Variants in ADGRG6 observed in about 807,000 individuals in gnomAD.
The protein encoded by ADGRG6 is G-protein coupled receptor 126.
ADGRG6 carries 84 observed loss-of-function variants against 142.4 expected under a neutral mutation model. The ratio of observed to expected loss-of-function variants is 0.59; its 90% CI spans 0.49 to 0.71. The LOEUF (loss-of-function observed/expected upper bound fraction) is 0.71, where lower values mean the gene tolerates loss of function less well. Ranked by LOEUF, ADGRG6 falls within the 30% of genes least tolerant of loss-of-function variation. The pLI is 0.00. For missense variants in ADGRG6, 1,367 were observed against 1,466.6 expected (o/e 0.93, Z 1.11); for synonymous variants, 521 against 520.5 (o/e 1.00, Z -0.01).
At chr6:142,338,013 C>CTTTGTTTTTTTTT (rs1779408285) in intron 2 of ADGRG6, among the ~76,000 whole-genome samples, 7 of 26,044 alleles carry the variant, frequency 2.7e-4, no homozygotes, top group African/African-American at 3.6e-4. Flanking sequence ...TGCCTTGTAT[C>CTTTGTTTTTTTTT]TTTGTTTTTT....
intron 18 of ADGRG6, among the ~76,000 whole-genome samples, chr6:142,414,608 C>CT (rs1202794526): frequency 4.6e-5 from 7 of 152,142 alleles, no homozygotes; most frequent in African/African-American, 1.4e-4. Context: ...GCCCCAAGCC[C>CT]TGCAACTGTT....
At chr6:142,441,584 C>T (rs1382132206) in intron 24 of ADGRG6, among the ~76,000 whole-genome samples, 2 of 152,146 alleles carry the variant, frequency 1.3e-5, no homozygotes, top group African/African-American at 4.8e-5. Flanking sequence ...AATTGGATCA[C>T]ATTGTTGAAA....
At chr6:142,370,053 C>A in intron 3 of ADGRG6, 117 bp from the exon 4 acceptor site, 1 of 729,548 alleles carries the variant, frequency 1.4e-6, no homozygotes, top group Non-Finnish European at 2.2e-6. Flanking sequence ...AGGGATGGGG[C>A]AAATGGTAGG....
At position 142,382,023 on chromosome 6, in the gene ADGRG6, G is replaced by A; in HGVS notation, c.1138+4G>A. The A allele has an allele frequency of 6.3e-7, 1 of 1,574,870 alleles. No individual in the cohort carries two copies. Among genetic ancestry groups the A allele is most frequent in the Non-Finnish European group, 8.7e-7 (1 of 1,149,336 alleles). ...GACCTGGGGACCCTCTGTCAAGGTAGGGAGCCCACACCGTGCTCTGGAATC... is the reference window on the plus strand; with the variant it reads ...GACCTGGGGACCCTCTGTCAAGGTAAGGAGCCCACACCGTGCTCTGGAATC... On this transcript the variant is annotated splice_donor_region_variant and intron_variant, in intron 5 of 24. Coordinates refer to ENST00000367609, the MANE Select transcript of ADGRG6 (RefSeq NM_198569.3).
At chr6:142,359,789 T>C (rs1780629400) in intron 2 of ADGRG6, among the ~76,000 whole-genome samples, 1 of 152,164 alleles carries the variant, frequency 6.6e-6, no homozygotes, top group South Asian at 2.1e-4. Flanking sequence ...TGTGGGGAGA[T>C]GAGAAGAGAC....
At position 142,408,178 on chromosome 6, in the gene ADGRG6, T is replaced by G. The variant is rs746820401; in HGVS notation, c.2297T>G (p.Val766Gly). Residue 766 changes from valine (V) to glycine (G), a missense_variant, in exon 16 of 25, where the codon GTG (valine) becomes GGG (glycine). Physicochemically the swap from Val to Gly is moderately radical, Grantham distance 109. This residue lies in a region of ADGRG6 where 286 missense variants were observed against 371.4 expected (regional missense o/e 0.77). Transcript: ENST00000367609. ...GTAGGACCCCAAAGAAAAACTTTAG[T>G]GAGTTATGTGATGGCGTGCAGTATT... ...QDVGPQRKTL[V>G]SYVMACSIGN... The G allele has an allele frequency of 1.1e-5, 18 of 1,588,404 alleles. No homozygotes were observed. Among genetic ancestry groups the G allele is most frequent in the South Asian group, 4.6e-5 (4 of 86,982 alleles).
At chr6:142,403,654 G>A (rs1031368058) in intron 13 of ADGRG6, 148 bp from the exon 14 acceptor site, 114 of 552,956 alleles carry the variant, frequency 2.1e-4, no homozygotes, top group Admixed American at 3.8e-5. Context: ...ACTGTGGATT[G>A]GGGTAATTTT....
In ADGRG6 at chr6:142,409,903, G is replaced by A; in HGVS notation, c.2418G>A (p.Trp806Ter). ...TGCATCATCCCATCTGTGCCTTCTG[G>A]GATCTGAACAAAAACAGTAAGTTTT... ...QEVHHPICAF[W>*]DLNKNKSFGG... The change falls in exon 17 of 25, where the codon TGG (tryptophan) becomes TGA (stop). Residue 806 changes from tryptophan (W) to a stop codon, truncating the protein, a stop_gained. Transcript: ENST00000367609. LOFTEE classifies it high-confidence loss of function. 6.8e-7 allele frequency: 1 copy of A among 1,480,210 alleles called. No individual in the cohort carries two copies. Among genetic ancestry groups the A allele is most frequent in the Non-Finnish European group, 9.3e-7 (1 of 1,073,268 alleles). 91.7% of individuals were successfully genotyped at this position (1,480,210 alleles called of 1,614,324 possible). A position where few individuals can be genotyped will look rare whatever the true frequency, so the allele number is the denominator to read the frequency against.
chr6:142,397,070 T>C (rs946634704), intron 9 of ADGRG6, among the ~76,000 whole-genome samples: 2 of 152,138 alleles, frequency 1.3e-5, no homozygotes, highest in Non-Finnish European at 1.5e-5. Context: ...TAAAAAGTAT[T>C]TGCAAATGCC....
chr6:142,365,748 A>G (rs933925206), intron 2 of ADGRG6, among the ~76,000 whole-genome samples: 1 of 152,214 alleles, frequency 6.6e-6, no homozygotes, highest in Non-Finnish European at 1.5e-5. Context: ...TGGCAAAGTG[A>G]AACATTGAGT....
At chr6:142,374,865 T>C (rs971798519) in intron 4 of ADGRG6, among the ~76,000 whole-genome samples, 5 of 152,258 alleles carry the variant, frequency 3.3e-5, no homozygotes, top group Admixed American at 1.3e-4. Flanking sequence ...ATGGCTAATA[T>C]GAGCTAATTA....
rs140382207 is a variant in ADGRG6 at position 142,441,299 on chromosome 6, T to C, written c.3575-2038T>C. 2.1e-3 allele frequency among the ~76,000 whole-genome samples: 316 copies of C among 152,304 alleles called. 1 individual carries two copies. The highest frequency in any genetic ancestry group is 4.0e-3 in the Non-Finnish European group (271 of 68,014). On this transcript the variant is annotated intron_variant, in intron 24 of 24. Transcript: ENST00000367609. ...AAATGCTTTATTTTTCCACTGCTCA[T>C]GTGGATTTCTGGGTATGTCATGGTA... is the stretch of plus-strand genomic sequence containing the variant.
intron 2 of ADGRG6, among the ~76,000 whole-genome samples, chr6:142,315,123 C>T (rs982909619): frequency 5.3e-5 from 8 of 152,002 alleles, no homozygotes; most frequent in Non-Finnish European, 7.4e-5. Context: ...AGAGGTTGGG[C>T]GGGTAACTTT....
chr6:142,445,508 A>T lies in ADGRG6; in HGVS notation c.*1993A>T, dbSNP rs1012835373. 2 of 152,190 alleles carry T rather than the reference A, an allele frequency of 1.3e-5. No homozygotes were observed. The highest frequency in any genetic ancestry group is 2.4e-5 in the African/African-American group (1 of 41,458). The allele number at this position is 152,190 out of a possible 1,614,324, so 9.4% of individuals were successfully genotyped here. On this transcript the variant is annotated 3_prime_UTR_variant, in exon 25 of 25. Transcript: ENST00000367609. ...AAGTGCTTAGTCAATAGTAATTAAG[A>T]TATAGCTTCAAAAATGGCTTTGCTT...
At chr6:142,415,670 C>T (rs889208516) in intron 19 of ADGRG6, 126 bp from the exon 20 acceptor site, 5 of 638,746 alleles carry the variant, frequency 7.8e-6, no homozygotes, top group Non-Finnish European at 1.1e-5. Context: ...AGCAGAACCA[C>T]ATCAGAAAGG....
chr6:142,321,144 G>A (rs963634493), intron 2 of ADGRG6, among the ~76,000 whole-genome samples: 2 of 151,856 alleles, frequency 1.3e-5, no homozygotes, highest in African/African-American at 4.8e-5. Flanking sequence ...ATTGAGAGAA[G>A]CAGGGCATAA....
rs1775999444 is a variant in ADGRG6, at chr6:142,409,973, A to G, written c.2434+54A>G. 3 of 735,940 alleles carry G rather than the reference A, an allele frequency of 4.1e-6. No individual in the cohort carries two copies. In the East Asian group the frequency reaches 8.7e-5, roughly 21 times the overall value. The allele number at this position is 735,940 out of a possible 1,614,324, so 45.6% of individuals were successfully genotyped here. A position where few individuals can be genotyped will look rare whatever the true frequency, so the allele number is the denominator to read the frequency against. On this transcript the variant is annotated intron_variant, in intron 17 of 24. Transcript: ENST00000367609. ...TATAGATAACAACTGAATTTTAAAC[A>G]TTGTTAGACACCCCCATTTCCTTTA...
chr6:142,417,483 A>C, intron 21 of ADGRG6, 114 bp downstream of exon 21: 1 of 623,824 alleles, frequency 1.6e-6, no homozygotes, highest in Non-Finnish European at 2.9e-6. Context: ...GTTTATTCAC[A>C]TGACTGCCAA....
At chr6:142,402,906 C>A in intron 13 of ADGRG6, 76 bp downstream of exon 13, 1 of 754,110 alleles carries the variant, frequency 1.3e-6, no homozygotes, top group Admixed American at 3.0e-5. Flanking sequence ...TATCTGAATA[C>A]TTTGTGCCCA....
Sources: allele counts gnomAD v4.1 joint callset (sites outside exome capture counted in the v4.1 genomes callset), GRCh38; gene constraint gnomAD v4.1.1; regional missense constraint gnomAD v4.1.1; transcripts MANE v1.5; gene names NCBI Gene and HGNC (gene_info 2026-07-23, HGNC 2026-07-21).